Variants in APC observed in about 807,000 individuals in gnomAD.
APC encodes the protein APC regulator of Wnt signaling pathway.
Under a neutral mutation model 247.0 loss-of-function variants are expected in APC, and 72 were observed. The ratio of observed to expected loss-of-function variants is 0.29; its 90% confidence interval spans 0.24 to 0.35. APC has a LOEUF of 0.35. Among genes scored for constraint, APC ranks in the 10% least tolerant of loss-of-function variants. The pLI is 1.00. For synonymous variants in APC, 1,254 were observed against 1,162.5 expected (o/e 1.08, Z -1.60); for missense variants, 3,400 against 3,360.7 (o/e 1.01, Z -0.29).
chr5:112,765,281 G>A (rs548672084), intron 2 of APC, among the ~76,000 whole-genome samples: 1 of 151,938 alleles, frequency 6.6e-6, no homozygotes, highest in East Asian at 1.9e-4. Context: ...TTGTTTGTTT[G>A]TTTTTTTAAT....
intron 6 of APC, among the ~76,000 whole-genome samples, chr5:112,790,802 C>T (rs1030799705): frequency 1.2e-4 from 18 of 152,048 alleles, no homozygotes; most frequent in African/African-American, 4.1e-4. Flanking sequence ...TGCCATAGTA[C>T]TTTTATTATT....
chr5:112,728,678 A>G (rs1328775444), intron 1 of APC, among the ~76,000 whole-genome samples: 3 of 151,946 alleles, frequency 2.0e-5, no homozygotes, highest in African/African-American at 7.2e-5. Flanking sequence ...GAATTTATAA[A>G]CTTTTTTATA....
chr5:112,776,901 G>A (rs1273309487), intron 5 of APC, among the ~76,000 whole-genome samples: 2 of 152,006 alleles, frequency 1.3e-5, no homozygotes, highest in East Asian at 1.9e-4. Context: ...GAATCTTTAA[G>A]TGTCCATTTA....
intron 3 of APC, 55 bp from the exon 4 acceptor site, chr5:112,767,134 A>ATT (rs1756418804): frequency 7.3e-7 from 1 of 1,366,566 alleles, no homozygotes; most frequent in Non-Finnish European, 1.0e-6. Context: ...CATTAAGAAT[A>ATT]TTTTAGACTG....
In APC at chr5:112,843,937, G is replaced by T. The variant is rs2150003651; in HGVS notation, c.8343G>T (p.Val2781=). 1 of 1,610,746 alleles carries T rather than the reference G, an allele frequency of 6.2e-7. No individual in the cohort carries two copies. Among genetic ancestry groups the T allele is most frequent in the Non-Finnish European group, 8.5e-7 (1 of 1,177,998 alleles). The change falls in exon 16 of 16, where the codon GTG becomes GTT. Residue 2781 remains valine (V), a synonymous_variant. Transcript: ENST00000257430. The surrounding 1 kb of genome is among the most constrained non-coding windows in gnomAD (Gnocchi z 4.8). ...SSPSGTVAAR[V]TPFNYNPSPR... ...CTAGTGGGACTGTTGCTGCCAGAGT[G>T]ACTCCTTTTAATTACAACCCAAGCC...
At position 112,707,582 on chromosome 5, in the gene APC, G is replaced by C. The variant is rs982566204; in HGVS notation, c.-136G>C. On this transcript the variant is annotated 5_prime_UTR_variant, in exon 1 of 14. Transcript: ENST00000507379. ...TGTGGCCGCCGGAAGCCTAGCCGCT[G>C]CTCGGGGGGGACCTGCGGGCTCAGG... 5.3e-6 allele frequency: 5 copies of C among 946,508 alleles called. No individual in the cohort carries two copies. In the African/African-American group the frequency reaches 6.6e-5, roughly 12 times the overall value. The allele number at this position is 946,508 out of a possible 1,614,324, so 58.6% of individuals were successfully genotyped here.
rs750503329 is a variant in APC at position 112,766,402 on chromosome 5, G to T, written c.212G>T (p.Arg71Leu). ...ASSGQIDLLE[R>L]LKELNLDSSN... ...TCTGGACAGATTGATTTATTAGAGC[G>T]TCTTAAAGGTAGATTTTAAAAAGGT... The change falls in exon 3 of 16, where the codon CGT becomes CTT. Residue 71 changes from arginine to leucine, a missense_variant. Physicochemically the swap from Arg to Leu is moderately radical, Grantham distance 102 (BLOSUM62 -2). Coordinates refer to ENST00000257430, the MANE Select transcript of APC (RefSeq NM_000038.6). The T allele has an allele frequency of 6.2e-7, 1 of 1,607,242 alleles. No homozygotes were observed. Among genetic ancestry groups the T allele is most frequent in the East Asian group, 2.2e-5 (1 of 44,718 alleles).
intron 12 of APC, 44 bp from the exon 13 acceptor site, chr5:112,827,885 A>G: frequency 6.5e-7 from 1 of 1,536,534 alleles, no homozygotes; most frequent in Non-Finnish European, 9.0e-7. Flanking sequence ...GCTTGGCTTC[A>G]AGTTGTCTTT....
At chr5:112,783,347 A>G (rs568211271) in intron 6 of APC, among the ~76,000 whole-genome samples, 44 of 152,284 alleles carry the variant, frequency 2.9e-4, no homozygotes, top group African/African-American at 1.0e-3. Context: ...TTTGAGAAAC[A>G]TACGTGTTCA....
In APC at chr5:112,837,775, G is replaced by C. The variant is rs1346075889; in HGVS notation, c.2181G>C (p.Arg727Ser). ...MIAMGSAAAL[R>S]NLMANRPAKY... is the part of the protein sequence containing the mutation. ...CTATGGGAAGTGCTGCAGCTTTAAG[G>C]AATCTCATGGCAAATAGGCCTGCGA... The change falls in exon 16 of 16, where the codon AGG (arginine) becomes AGC (serine). Residue 727 changes from arginine to serine, a missense_variant. Coordinates refer to ENST00000257430, the MANE Select transcript of APC (RefSeq NM_000038.6). The C allele has an allele frequency of 1.2e-6, 2 of 1,614,038 alleles. No individual in the cohort carries two copies. The highest frequency in any genetic ancestry group is 1.7e-6 in the Non-Finnish European group (2 of 1,180,034).
chr5:112,760,583 A>G (rs1033515827), intron 2 of APC, among the ~76,000 whole-genome samples: 4 of 152,354 alleles, frequency 2.6e-5, no homozygotes, highest in African/African-American at 9.6e-5. Context: ...TATTCCTGCA[A>G]TGTTTAGGAA....
chr5:112,734,188 G>C (rs1459590192), upstream of APC, among the ~76,000 whole-genome samples: 1 of 152,200 alleles, frequency 6.6e-6, no homozygotes, highest in East Asian at 1.9e-4. Flanking sequence ...GCAAGACCTC[G>C]TCCCTGAAAA....
chr5:112,792,254 A>G (rs567053287), intron 6 of APC, among the ~76,000 whole-genome samples, 192 bp from the exon 7 acceptor site: 1 of 152,270 alleles, frequency 6.6e-6, no homozygotes, highest in East Asian at 1.9e-4. Context: ...TCGAAAAAAA[A>G]AGAAAAAAAG....
Position 112,783,796 on chromosome 5 carries a change from GAAAGA to G in APC, c.645+2906_645+2910del, listed in dbSNP as rs745438386. 1,238 of 374,394 alleles carry G rather than the reference GAAAGA, an allele frequency of 3.3e-3. 3 individuals carry two copies. Among genetic ancestry groups the G allele is most frequent in the Admixed American group, 5.6e-3 (149 of 26,540 alleles). 23.2% of individuals were successfully genotyped at this position (374,394 alleles called of 1,614,324 possible). On this transcript the variant is annotated intron_variant, in intron 6 of 15. Coordinates refer to ENST00000257430, the MANE Select transcript of APC (RefSeq NM_000038.6). ...AAAAAAAAAAAAAAGAGAAAGAAAG[GAAAGA>G]AAAGAAAAGAAAGAAAACAGATAAC...
At chr5:112,749,712 C>T (rs951199660) in intron 1 of APC, among the ~76,000 whole-genome samples, 58 of 151,616 alleles carry the variant, frequency 3.8e-4, no homozygotes, top group Non-Finnish European at 4.1e-4. Context: ...GTCTCGATCT[C>T]CTGACCTCGT....
intron 1 of APC, among the ~76,000 whole-genome samples, chr5:112,740,993 C>T (rs1752948705): frequency 6.6e-6 from 1 of 152,120 alleles, no homozygotes; most frequent in Non-Finnish European, 1.5e-5. Context: ...CCCTTCTCCC[C>T]CTTTTCTTGT....
intron 4 of APC, among the ~76,000 whole-genome samples, chr5:112,770,199 T>C (rs1397608346): frequency 6.6e-6 from 1 of 152,232 alleles, no homozygotes; most frequent in Non-Finnish European, 1.5e-5. Context: ...GGAATACTTG[T>C]AATAAAAATG....
chr5:112,788,862 G>T (rs1019559133), intron 6 of APC, among the ~76,000 whole-genome samples: 3 of 151,980 alleles, frequency 2.0e-5, no homozygotes, highest in Non-Finnish European at 4.4e-5. Context: ...CATATTGTTC[G>T]CAAATAATGA....
intron 1 of APC, among the ~76,000 whole-genome samples, chr5:112,712,297 T>C (rs1260164293): frequency 1.3e-5 from 2 of 152,224 alleles, no homozygotes; most frequent in African/African-American, 4.8e-5. Context: ...ATGTCTATCT[T>C]ATATATACTA....
Sources: allele counts gnomAD v4.1 joint callset (sites outside exome capture counted in the v4.1 genomes callset), GRCh38; gene constraint gnomAD v4.1.1; non-coding constraint Gnocchi (gnomAD v3.1); transcripts MANE v1.5; gene names NCBI Gene and HGNC (gene_info 2026-07-23, HGNC 2026-07-21).